DDX46: variants seen among roughly 807,000 people sequenced by gnomAD.
DDX46 encodes the protein DEAD-box helicase 46, also known as probable ATP-dependent RNA helicase DDX46.
A neutral mutation model predicts 134.9 loss-of-function variants in DDX46; 30 were observed. The observed-to-expected ratio is 0.22, with a 90% confidence interval of 0.17 to 0.30. The LOEUF (loss-of-function observed/expected upper bound fraction) is 0.30. Ranked by LOEUF, DDX46 falls within the 10% of genes least tolerant of loss-of-function variation. The pLI is 1.00. For synonymous variants in DDX46, 415 were observed against 404.1 expected, an observed-to-expected ratio of 1.03 and a Z score of -0.32; for missense variants, 622 against 1,248.7, an observed-to-expected ratio of 0.50 and a Z score of 7.56.
At chr5:134,785,697 A>C in intron 11 of DDX46, 111 bp downstream of exon 11, 3 of 1,279,658 alleles carry the variant, frequency 2.3e-6, no homozygotes, top group Non-Finnish European at 3.2e-6. Context: ...TGCTTCTAAA[A>C]TCATTTAAAA....
At position 134,811,214 on chromosome 5, in the gene DDX46, G is replaced by C; in HGVS notation, c.2149-7G>C. On this transcript the variant is annotated splice_polypyrimidine_tract_variant and splice_region_variant and intron_variant, in intron 16 of 22. Transcript: ENST00000452510. The stretch of plus-strand genomic sequence containing the variant: ...TCTAATAATTGTACTTTTTCATCAT[G>C]CATTAGGGTTATGCTTATACTTTTA... 1 of 1,612,652 alleles carries C rather than the reference G, an allele frequency of 6.2e-7. No individual in the cohort carries two copies. Among genetic ancestry groups the C allele is most frequent in the South Asian group, 1.1e-5 (1 of 90,916 alleles).
chr5:134,798,126 T>G (rs1445764879), intron 15 of DDX46, among the ~76,000 whole-genome samples: 1 of 151,740 alleles, frequency 6.6e-6, no homozygotes, highest in Non-Finnish European at 1.5e-5. Context: ...AATGACTTTT[T>G]TGTGTGTGGT....
chr5:134,758,791 G>C lies in DDX46; in HGVS notation c.-148G>C. 1 of 1,291,630 alleles carries C rather than the reference G, an allele frequency of 7.7e-7. No homozygotes were observed. Among genetic ancestry groups the C allele is most frequent in the Non-Finnish European group, 1.1e-6 (1 of 918,108 alleles). The allele number at this position is 1,291,630 out of a possible 1,614,324, so 80.0% of individuals were successfully genotyped here. ...GCGCCAGCACGTCCTGTTTTCGTTG[G>C]CCGCGCTGGGATGGCCGCCACAGCT... is the stretch of plus-strand genomic sequence containing the variant. On this transcript the variant is annotated 5_prime_UTR_variant, in exon 1 of 23. Transcript: ENST00000452510.
chr5:134,778,228 C>G (rs528358075), intron 6 of DDX46, among the ~76,000 whole-genome samples: 1 of 151,848 alleles, frequency 6.6e-6, no homozygotes, highest in South Asian at 2.1e-4. Context: ...ATGTTGCTCA[C>G]GCTGGTCTCG....
chr5:134,793,577 G>A (rs1754570264), intron 13 of DDX46, among the ~76,000 whole-genome samples: 1 of 151,994 alleles, frequency 6.6e-6, no homozygotes, highest in Non-Finnish European at 1.5e-5. Context: ...GCTAATTTTT[G>A]TATTTTTAGT....
chr5:134,795,635 G>A (rs1754634593), intron 14 of DDX46, among the ~76,000 whole-genome samples: 1 of 152,178 alleles, frequency 6.6e-6, no homozygotes. Context: ...GGAGACCATG[G>A]TAGGAGGATC....
intron 18 of DDX46, among the ~76,000 whole-genome samples, chr5:134,813,676 A>G (rs2560738): frequency 0.92 from 139,889 of 152,026 alleles, 64,607 homozygotes; most frequent in East Asian, 1. Flanking sequence ...TGTTGCCCAA[A>G]CTGGAGTGTA....
rs117516090 is a variant in DDX46 at position 134,770,786 on chromosome 5, C to T, written c.351-117C>T. Reference sequence around the variant, plus strand: ...GAGATCGCACCATTTCACTCCACTCCAGTCTGGGCGACAGAGTGAGACACT... The same window carrying T: ...GAGATCGCACCATTTCACTCCACTCTAGTCTGGGCGACAGAGTGAGACACT... On this transcript the variant is annotated intron_variant, in intron 3 of 22. Transcript: ENST00000452510. 6.4e-3 allele frequency: 5,284 copies of T among 819,828 alleles called. 36 individuals carry two copies. Among genetic ancestry groups the T allele is most frequent in the Middle Eastern group, 0.028 (70 of 2,514 alleles). 50.8% of individuals were successfully genotyped at this position (819,828 alleles called of 1,614,324 possible). A position where few individuals can be genotyped will look rare whatever the true frequency, so the allele number is the denominator to read the frequency against.
rs374217427 is a variant in DDX46 at position 134,813,386 on chromosome 5, G to C, written c.2436+1541G>C. ...TCAGGTAGTTCTGGCTTAGGCGCTC[G>C]TGAGATTGCAGTCATCTGCAGGCTT... On this transcript the variant is annotated intron_variant, in intron 18 of 22. Coordinates refer to ENST00000452510, the MANE Select transcript of DDX46 (RefSeq NM_001300860.2). Among the ~76,000 whole-genome samples, 5 of 152,186 alleles carry C rather than the reference G, an allele frequency of 3.3e-5. No individual in the cohort carries two copies. The South Asian group carries it at 8.3e-4, about 25-fold the overall frequency.
intron 18 of DDX46, among the ~76,000 whole-genome samples, chr5:134,815,234 T>C (rs1755255016): frequency 6.6e-6 from 1 of 152,218 alleles, no homozygotes; most frequent in Non-Finnish European, 1.5e-5. Context: ...GTTTTTATTG[T>C]AGTAAAAGAG....
At position 134,818,980 on chromosome 5, in the gene DDX46, C is replaced by T. The variant is rs1755365297; in HGVS notation, c.2953C>T (p.Arg985Trp). The T allele has an allele frequency of 1.2e-6, 2 of 1,613,450 alleles. No homozygotes were observed. The highest frequency in any genetic ancestry group is 8.5e-7 in the Non-Finnish European group (1 of 1,179,726). Residue 985 changes from arginine (R) to tryptophan (W), a missense_variant, in exon 21 of 23, where the codon CGG (arginine) becomes TGG (tryptophan). By Grantham distance (101) the Arg-to-Trp change is moderately radical. This residue lies in a region of DDX46 where 76 missense variants were observed against 213.0 expected (regional missense o/e 0.36). Transcript: ENST00000452510. ...PPGKEPKEGE[R>W]KIYLAIESAN... ...TGGCAAAGAACCCAAGGAAGGCGAG[C>T]GGAAGATTTACTTGGCAATTGAAAG... is the stretch of plus-strand genomic sequence containing the variant.
intron 15 of DDX46, 94 bp downstream of exon 15, chr5:134,796,244 A>G: frequency 7.4e-7 from 1 of 1,351,554 alleles, no homozygotes; most frequent in Non-Finnish European, 1.0e-6. Context: ...GTTCTCTATA[A>G]TTCAGAACTA....
intron 2 of DDX46, among the ~76,000 whole-genome samples, chr5:134,765,874 A>G (rs544249509): frequency 2.7e-4 from 41 of 152,350 alleles, no homozygotes; most frequent in African/African-American, 9.6e-4. Flanking sequence ...CCTAGGAACA[A>G]TTTCACACAA....
chr5:134,820,087 C>T (rs1755400376), intron 21 of DDX46, among the ~76,000 whole-genome samples: 2 of 151,588 alleles, frequency 1.3e-5, no homozygotes, highest in Non-Finnish European at 2.9e-5. Flanking sequence ...ATGCCTGGCT[C>T]ATTTTTGTAT....
At chr5:134,821,537 T>G (rs1692427538) in intron 21 of DDX46, among the ~76,000 whole-genome samples, 1 of 88,344 alleles carries the variant, frequency 1.1e-5, no homozygotes, top group Non-Finnish European at 2.2e-5. Context: ...GGGTTTTTTG[T>G]TTTTTTTTTT....
Position 134,758,807 on chromosome 5 carries a change from C to T in DDX46, c.-132C>T, listed in dbSNP as rs748390075. On this transcript the variant is annotated 5_prime_UTR_variant, in exon 1 of 23. Coordinates refer to ENST00000452510, the MANE Select transcript of DDX46 (RefSeq NM_001300860.2). ...TTTTCGTTGGCCGCGCTGGGATGGC[C>T]GCCACAGCTGTAGGTGCTGCTAGTG... 9 of 1,429,800 alleles carry T rather than the reference C, an allele frequency of 6.3e-6. No individual in the cohort carries two copies. The highest frequency in any genetic ancestry group is 2.3e-5 in the East Asian group (1 of 43,190). The allele number at this position is 1,429,800 out of a possible 1,614,324, so 88.6% of individuals were successfully genotyped here. A position where few individuals can be genotyped will look rare whatever the true frequency, so the allele number is the denominator to read the frequency against.
intron 4 of DDX46, among the ~76,000 whole-genome samples, chr5:134,772,761 C>T (rs1217319332): frequency 6.6e-6 from 1 of 152,154 alleles, no homozygotes; most frequent in Non-Finnish European, 1.5e-5. Flanking sequence ...CTGCCTCTGC[C>T]TCCCAAAGCA....
At chr5:134,815,706 CAAAAAAAAA>C (rs374562980) in intron 18 of DDX46, among the ~76,000 whole-genome samples, 3 of 28,698 alleles carry the variant, frequency 1.0e-4, no homozygotes, top group African/African-American at 3.1e-4. Context: ...GACTCTGTCT[CAAAAAAAAA>C]AAAAAAAAAA....
At chr5:134,784,627 A>G (rs1754274898) in intron 10 of DDX46, 86 bp downstream of exon 10, 1 of 1,389,284 alleles carries the variant, frequency 7.2e-7, no homozygotes. Context: ...GTTCTTAATT[A>G]TGACAATGAA....
Sources: gnomAD v4.1 joint callset for allele counts (sites outside exome capture counted in the v4.1 genomes callset) on GRCh38, gnomAD v4.1.1 for gene constraint, gnomAD v4.1.1 regional missense constraint, MANE v1.5 for transcripts, NCBI Gene and HGNC (gene_info 2026-07-23, HGNC 2026-07-21) for gene names.